GOSR2: variants seen among roughly 807,000 people sequenced by gnomAD.
The protein encoded by GOSR2 is golgi SNAP receptor complex member 2.
A neutral mutation model predicts 27.9 loss-of-function variants in GOSR2; 20 were observed. That is an observed-to-expected ratio of 0.72 (90% CI 0.50 to 1.04). The LOEUF (loss-of-function observed/expected upper bound fraction) is 1.04. GOSR2 is among the 50% of genes least tolerant of loss of function. GOSR2 has a pLI of 0.00. For missense variants in GOSR2, 261 were observed against 270.5 expected, an observed-to-expected ratio of 0.97 and a Z score of 0.25; for synonymous variants, 91 against 98.8, an observed-to-expected ratio of 0.92 and a Z score of 0.47.
At chr17:46,955,336 T>G (rs2090637914) in intron 6 of GOSR2, among the ~76,000 whole-genome samples, 2 of 152,162 alleles carry the variant, frequency 1.3e-5, no homozygotes. Context: ...TTTCGTATGT[T>G]GAACCAGCCT....
rs1054282349 is a variant in GOSR2, at chr17:46,954,507, A to G, written c.584-12027A>G. ...TTTGTTCTTTTGGCCTTGGCAATGC[A>G]GGCTCTTTTTTGGTTCCATATGAAC... On this transcript the variant is annotated intron_variant, in intron 6 of 6. Coordinates refer to the GOSR2 transcript ENST00000573224. 3.9e-5 allele frequency among the ~76,000 whole-genome samples: 6 copies of G among 152,092 alleles called. No individual in the cohort carries two copies. The East Asian group carries it at 1.2e-3, about 29-fold the overall frequency.
Position 46,940,800 on chromosome 17 carries a change from TG to T in GOSR2, c.*2043del. ...GAATAAAAATTGCAGAGGTGGTTTT[TG>T]GGTCTTTACCACCTGCGGCTGGTGG... is the stretch of plus-strand genomic sequence containing the variant. On this transcript the variant is annotated 3_prime_UTR_variant, in exon 6 of 6. Transcript: ENST00000640051. 2 of 1,490,818 alleles carry T rather than the reference TG, an allele frequency of 1.3e-6. No homozygotes were observed. Among genetic ancestry groups the T allele is most frequent in the Admixed American group, 2.1e-5 (1 of 47,952 alleles). 92.3% of individuals were successfully genotyped at this position (1,490,818 alleles called of 1,614,324 possible). A position where few individuals can be genotyped will look rare whatever the true frequency, so the allele number is the denominator to read the frequency against.
chr17:46,947,861 C>T (rs1055663792), intron 6 of GOSR2, among the ~76,000 whole-genome samples: 5 of 152,198 alleles, frequency 3.3e-5, no homozygotes, highest in Non-Finnish European at 7.3e-5. Flanking sequence ...CTCCGCCTCC[C>T]GGGTTCAAGC....
intron 3 of GOSR2, 40 bp downstream of exon 3, chr17:46,931,247 C>T (rs2146894315): frequency 1.1e-6 from 1 of 949,474 alleles, no homozygotes; most frequent in East Asian, 2.4e-5. Flanking sequence ...TACTCCAGGC[C>T]CATCAAGACA....
chr17:46,925,679 A>T (rs1180751641), intron 1 of GOSR2, among the ~76,000 whole-genome samples: 2 of 152,198 alleles, frequency 1.3e-5, no homozygotes, highest in Non-Finnish European at 2.9e-5. Context: ...GAAATTAGTG[A>T]TTGTAGCTGA....
At chr17:46,924,211 A>T (rs2086156570) in intron 1 of GOSR2, 2 of 209,200 alleles carry the variant, frequency 9.6e-6, no homozygotes, top group African/African-American at 4.6e-5. Flanking sequence ...AAGTGGAGTC[A>T]TACAGAATTT....
At position 46,936,364 on chromosome 17, in the gene GOSR2, T is replaced by C. The variant is rs575269031; in HGVS notation, c.477+1195T>C. The C allele has an allele frequency of 1.5e-4, 143 of 985,330 alleles. 3 individuals carry two copies. In the South Asian group the frequency reaches 6.4e-3, roughly 44 times the overall value. The allele number at this position is 985,330 out of a possible 1,614,324, so 61.0% of individuals were successfully genotyped here. A position where few individuals can be genotyped will look rare whatever the true frequency, so the allele number is the denominator to read the frequency against. On this transcript the variant is annotated intron_variant, in intron 5 of 5. Transcript: ENST00000640051. ...GGCACATGCTAACTTCCCACTCAAG[T>C]CTGGCAGCGCTGGGGCATCAGCACA...
intron 5 of GOSR2, chr17:46,936,369 C>T: frequency 1.0e-6 from 1 of 985,356 alleles, no homozygotes; most frequent in South Asian, 4.7e-5. Flanking sequence ...TCAAGTCTGG[C>T]AGCGCTGGGG....
chr17:46,942,057 A>T, downstream of GOSR2: 2 of 562,168 alleles, frequency 3.6e-6, no homozygotes, highest in Non-Finnish European at 4.5e-6. Flanking sequence ...ACTTTGAGGA[A>T]ATAACTGAAA....
chr17:46,928,863 G>A (rs901517967), intron 1 of GOSR2, among the ~76,000 whole-genome samples: 1 of 152,116 alleles, frequency 6.6e-6, no homozygotes, highest in Non-Finnish European at 1.5e-5. Context: ...TCACAGCGAT[G>A]CTCAGAACTC....
In GOSR2 at chr17:46,940,798, T is replaced by G; in HGVS notation, c.*2038T>G. On this transcript the variant is annotated 3_prime_UTR_variant, in exon 6 of 6. Transcript: ENST00000640051. The stretch of plus-strand genomic sequence containing the variant: ...TGGAATAAAAATTGCAGAGGTGGTT[T>G]TTGGGTCTTTACCACCTGCGGCTGG... The G allele has an allele frequency of 6.7e-7, 1 of 1,492,288 alleles. No homozygotes were observed. The allele number at this position is 1,492,288 out of a possible 1,614,324, so 92.4% of individuals were successfully genotyped here.
intron 5 of GOSR2, chr17:46,936,885 AT>A: frequency 2.1e-6 from 2 of 958,078 alleles, no homozygotes; most frequent in Non-Finnish European, 2.5e-6. Flanking sequence ...CAGAATGTAG[AT>A]TTTGGATTCC....
In GOSR2 at chr17:46,939,050, C is replaced by G. The variant is rs1176987081; in HGVS notation, c.*290C>G. ...GGGAGGGAAAGAATGGCTTTGGTGG[C>G]TTTGTTCACATAGCTGATGCGTGCC... is the stretch of plus-strand genomic sequence containing the variant. On this transcript the variant is annotated 3_prime_UTR_variant, in exon 6 of 6. Coordinates refer to ENST00000640051, the MANE Select transcript of GOSR2 (RefSeq NM_004287.5). 3.2e-6 allele frequency: 4 copies of G among 1,266,372 alleles called. No individual in the cohort carries two copies. Among genetic ancestry groups the G allele is most frequent in the Middle Eastern group, 3.3e-4 (1 of 3,046 alleles). The allele number at this position is 1,266,372 out of a possible 1,614,324, so 78.4% of individuals were successfully genotyped here. A position where few individuals can be genotyped will look rare whatever the true frequency, so the allele number is the denominator to read the frequency against.
intron 6 of GOSR2, among the ~76,000 whole-genome samples, chr17:46,949,623 C>G (rs564472705): frequency 6.6e-6 from 1 of 152,212 alleles, no homozygotes; most frequent in Non-Finnish European, 1.5e-5. Flanking sequence ...GGAAGACATA[C>G]ATGAGCATGC....
At position 46,931,752 on chromosome 17, in the gene GOSR2, T is replaced by C. The variant is rs528014941; in HGVS notation, c.204-315T>C. The C allele has an allele frequency of 3.9e-5, 17 of 438,924 alleles. No individual in the cohort carries two copies. In the Admixed American group the frequency reaches 5.5e-4, roughly 14 times the overall value. 27.2% of individuals were successfully genotyped at this position (438,924 alleles called of 1,614,324 possible). A position where few individuals can be genotyped will look rare whatever the true frequency, so the allele number is the denominator to read the frequency against. On this transcript the variant is annotated intron_variant, in intron 3 of 5. Transcript: ENST00000640051. Reference sequence around the variant, plus strand: ...GGCTTCTTCCAGGAGAGCCATATAATCCATAGAAGGTCAAGAAGAGGTCAG... The same window carrying C: ...GGCTTCTTCCAGGAGAGCCATATAACCCATAGAAGGTCAAGAAGAGGTCAG...
At position 46,941,032 on chromosome 17, in the gene GOSR2, C is replaced by G. The variant is rs1045072046; in HGVS notation, c.*2272C>G. The G allele has an allele frequency of 3.7e-6, 4 of 1,088,036 alleles. No homozygotes were observed. The highest frequency in any genetic ancestry group is 4.6e-5 in the Admixed American group (1 of 21,810). The allele number at this position is 1,088,036 out of a possible 1,614,324, so 67.4% of individuals were successfully genotyped here. A position where few individuals can be genotyped will look rare whatever the true frequency, so the allele number is the denominator to read the frequency against. On this transcript the variant is annotated 3_prime_UTR_variant, in exon 6 of 6. Transcript: ENST00000640051. The stretch of plus-strand genomic sequence containing the variant: ...TGGAGGCGGGGGTGAATTCTTAGGT[C>G]GAGCTGATGCAAGAAACTCCGGTAG...
At chr17:46,953,794 G>A (rs1008658125) in intron 6 of GOSR2, among the ~76,000 whole-genome samples, 1 of 152,208 alleles carries the variant, frequency 6.6e-6, no homozygotes, top group Non-Finnish European at 1.5e-5. Flanking sequence ...GGCCAGTGAT[G>A]ATGAGCATTT....
intron 1 of GOSR2, among the ~76,000 whole-genome samples, chr17:46,925,831 T>C (rs2086416249): frequency 6.6e-6 from 1 of 152,160 alleles, no homozygotes; most frequent in African/African-American, 2.4e-5. Flanking sequence ...CTCCTGAACC[T>C]ACCTGAACAA....
At chr17:46,946,155 G>T (rs1285616378), downstream of GOSR2, among the ~76,000 whole-genome samples, 1 of 152,072 alleles carries the variant, frequency 6.6e-6, no homozygotes, top group East Asian at 1.9e-4. Flanking sequence ...AAAAATGTAG[G>T]CTGGGCGCGG....
Sources: allele counts gnomAD v4.1 joint callset (sites outside exome capture counted in the v4.1 genomes callset), GRCh38; gene constraint gnomAD v4.1.1; transcripts MANE v1.5; gene names NCBI Gene and HGNC (gene_info 2026-07-23, HGNC 2026-07-21).